Variants in FHIT observed in about 807,000 individuals in gnomAD.
FHIT encodes the protein bis(5'-adenosyl)-triphosphatase.
Under a neutral mutation model 17.9 loss-of-function variants are expected in FHIT, and 19 were observed. That is an observed-to-expected ratio of 1.06 (90% CI 0.74 to 1.56). The LOEUF (loss-of-function observed/expected upper bound fraction) is 1.56. Ranked by LOEUF, FHIT falls within the 40% of genes most tolerant of loss-of-function variation. FHIT has a pLI of 0.00. For synonymous variants in FHIT, 81 were observed against 69.7 expected, an observed-to-expected ratio of 1.16 and a Z score of -0.81; for missense variants, 248 against 189.2, an observed-to-expected ratio of 1.31 and a Z score of -1.82.
chr3:61,176,814 G>A (rs1449043848), intron 2 of FHIT, among the ~76,000 whole-genome samples: 1 of 152,188 alleles, frequency 6.6e-6, no homozygotes, highest in African/African-American at 2.4e-5. Context: ...TTGGGAGTCC[G>A]TGTTCTAGCT....
At chr3:60,498,049 T>C (rs1458618775) in intron 5 of FHIT, among the ~76,000 whole-genome samples, 1 of 152,198 alleles carries the variant, frequency 6.6e-6, no homozygotes, top group Non-Finnish European at 1.5e-5. Context: ...AAAACAGCCA[T>C]AGAGGATACA....
At chr3:60,898,965 G>C (rs1271984510) in intron 3 of FHIT, among the ~76,000 whole-genome samples, 1 of 152,126 alleles carries the variant, frequency 6.6e-6, no homozygotes, top group African/African-American at 2.4e-5. Flanking sequence ...TTTTACTTCA[G>C]GTTCTAGTCT....
intron 2 of FHIT, among the ~76,000 whole-genome samples, chr3:61,100,127 G>A (rs2035770962): frequency 6.6e-6 from 1 of 151,864 alleles, no homozygotes; most frequent in South Asian, 2.1e-4. Context: ...TTGATACATA[G>A]GTATACATGT....
intron 2 of FHIT, among the ~76,000 whole-genome samples, chr3:61,112,032 T>C (rs1559991192): frequency 6.6e-6 from 1 of 152,172 alleles, no homozygotes; most frequent in Non-Finnish European, 1.5e-5. Context: ...CCCCTTTTTA[T>C]AGATCAGGAA....
chr3:60,759,587 G>A (rs1699566735), intron 4 of FHIT, among the ~76,000 whole-genome samples: 1 of 152,116 alleles, frequency 6.6e-6, no homozygotes, highest in Non-Finnish European at 1.5e-5. Context: ...CCAGCAAGGA[G>A]ACCAAAAAGG....
At chr3:59,865,409 C>T (rs921467454) in intron 8 of FHIT, among the ~76,000 whole-genome samples, 5 of 152,248 alleles carry the variant, frequency 3.3e-5, no homozygotes, top group East Asian at 3.8e-4. Context: ...AGCATTTTAA[C>T]GTAAGCCTTG....
intron 1 of FHIT, among the ~76,000 whole-genome samples, chr3:61,236,110 C>T (rs1433977638): frequency 2.7e-5 from 4 of 150,236 alleles, no homozygotes; most frequent in Admixed American, 2.0e-4. Context: ...AGTGCTAAGT[C>T]AAGATATAAA....
intron 5 of FHIT, among the ~76,000 whole-genome samples, chr3:60,176,477 G>C (rs539880270): frequency 2.0e-5 from 3 of 152,090 alleles, no homozygotes; most frequent in Non-Finnish European, 4.4e-5. Flanking sequence ...ATTTCATAAG[G>C]GCAATCAAAA....
intron 5 of FHIT, among the ~76,000 whole-genome samples, chr3:60,058,163 CAG>C (rs1702160306): frequency 1.0e-5 from 1 of 100,408 alleles, no homozygotes; most frequent in East Asian, 3.5e-4. Context: ...TTTTTTGAGA[CAG>C]AGTCTCGCTC....
At chr3:60,891,045 C>T (rs1340292984) in intron 3 of FHIT, among the ~76,000 whole-genome samples, 1 of 152,124 alleles carries the variant, frequency 6.6e-6, no homozygotes, top group Non-Finnish European at 1.5e-5. Flanking sequence ...TAATTGATGC[C>T]AAAGACACTG....
chr3:59,973,189 A>C (rs1708263200), intron 7 of FHIT, among the ~76,000 whole-genome samples: 1 of 151,988 alleles, frequency 6.6e-6, no homozygotes, highest in African/African-American at 2.4e-5. Context: ...ATCCACTCGC[A>C]TTTCCTCTAA....
chr3:60,239,713 T>G (rs1705029175), intron 5 of FHIT, among the ~76,000 whole-genome samples: 1 of 152,154 alleles, frequency 6.6e-6, no homozygotes, highest in Non-Finnish European at 1.5e-5. Flanking sequence ...TAAAGTAAAA[T>G]GATCCACAAA....
At chr3:59,980,058 T>C (rs1708585171) in intron 7 of FHIT, among the ~76,000 whole-genome samples, 1 of 152,192 alleles carries the variant, frequency 6.6e-6, no homozygotes, top group African/African-American at 2.4e-5. Context: ...GTCAATTTTC[T>C]TTCCCCAGTG....
chr3:60,276,673 G>A (rs548652406), intron 5 of FHIT, among the ~76,000 whole-genome samples: 1 of 152,124 alleles, frequency 6.6e-6, no homozygotes, highest in African/African-American at 2.4e-5. Context: ...AAGAAAAGAG[G>A]TTTATTTGGC....
chr3:60,276,423 G>T (rs996009736), intron 5 of FHIT, among the ~76,000 whole-genome samples: 1 of 152,128 alleles, frequency 6.6e-6, no homozygotes. Context: ...CTGAGAAAAA[G>T]GAGGCTGAAG....
intron 5 of FHIT, among the ~76,000 whole-genome samples, chr3:60,356,121 T>C (rs1465319456): frequency 1.3e-5 from 2 of 152,188 alleles, no homozygotes; most frequent in Non-Finnish European, 1.5e-5. Flanking sequence ...CATGAAATAA[T>C]TTTATGTTAC....
intron 3 of FHIT, among the ~76,000 whole-genome samples, chr3:60,847,386 G>A (rs1702964266): frequency 6.6e-6 from 1 of 151,844 alleles, no homozygotes; most frequent in African/African-American, 2.4e-5. Flanking sequence ...TTCCTAAGTG[G>A]GCATATGGTG....
At chr3:59,896,461 GAAT>G (rs1205054505) in intron 8 of FHIT, among the ~76,000 whole-genome samples, 8 of 152,240 alleles carry the variant, frequency 5.3e-5, no homozygotes, top group Non-Finnish European at 1.0e-4. Flanking sequence ...CTGAAAATCA[GAAT>G]AATAGAGGGT....
intron 5 of FHIT, among the ~76,000 whole-genome samples, chr3:60,422,029 G>A (rs1702491299): frequency 6.6e-6 from 1 of 152,094 alleles, no homozygotes; most frequent in Admixed American, 6.6e-5. Context: ...GAGCTCTTAG[G>A]CAGTGTGAGG....
Sources: gnomAD v4.1 joint callset for allele counts (sites outside exome capture counted in the v4.1 genomes callset) on GRCh38, gnomAD v4.1.1 for gene constraint, MANE v1.5 for transcripts, NCBI Gene and HGNC (gene_info 2026-07-23, HGNC 2026-07-21) for gene names.